The following UBN1 variants were observed in gnomAD, a reference collection of about 807,000 sequenced individuals.
The protein encoded by UBN1 is ubinuclein-1.
A neutral mutation model predicts 108.5 loss-of-function variants in UBN1; 17 were observed. That is an observed-to-expected ratio of 0.16 (90% CI 0.11 to 0.24). The LOEUF (loss-of-function observed/expected upper bound fraction) is 0.24. Ranked by LOEUF, UBN1 falls within the 10% of genes least tolerant of loss-of-function variation. The pLI is 1.00. For missense variants in UBN1, 1,595 were observed against 1,394.4 expected (o/e 1.14, Z -2.29); for synonymous variants, 726 against 564.2 (o/e 1.29, Z -4.07).
At chr16:4,876,547 A>G (rs1268032147) in intron 15 of UBN1, among the ~76,000 whole-genome samples, 2 of 149,212 alleles carry the variant, frequency 1.3e-5, no homozygotes, top group South Asian at 4.2e-4. Flanking sequence ...TTTTTTTTTG[A>G]GACAGAGTCT....
rs756447369 is a variant in UBN1, at chr16:4,861,119, C to T, written c.1110+17C>T. On this transcript the variant is annotated intron_variant, in intron 7 of 17. Transcript: ENST00000262376. ...CTGGCTCAGGTATGGTGGCACAGTG[C>T]GGCTGGGCTTTCCTGGAAGCAGTTT... 9.4e-6 allele frequency: 15 copies of T among 1,599,576 alleles called. No homozygotes were observed. Among genetic ancestry groups the T allele is most frequent in the African/African-American group, 8.0e-5 (6 of 74,590 alleles).
chr16:4,873,208 A>G (rs145223945), intron 14 of UBN1, 135 bp downstream of exon 14: 15 of 1,295,854 alleles, frequency 1.2e-5, no homozygotes, highest in Non-Finnish European at 1.6e-5. Context: ...GACATTCTTG[A>G]AGTCATAACA....
At position 4,877,745 on chromosome 16, in the gene UBN1, T is replaced by C; in HGVS notation, c.3355+271T>C. The stretch of plus-strand genomic sequence containing the variant: ...TTGCGGGGGGCAGGGTGGTGCGCTT[T>C]TGTGTGCGGTGGAGGAGTTCCTAAC... On this transcript the variant is annotated intron_variant, in intron 17 of 17. Coordinates refer to ENST00000262376, the MANE Select transcript of UBN1 (RefSeq NM_001079514.3). The surrounding 1 kb of genome is among the most constrained non-coding windows in gnomAD (Gnocchi z 4.3). 1 of 1,185,196 alleles carries C rather than the reference T, an allele frequency of 8.4e-7. No homozygotes were observed. Among genetic ancestry groups the C allele is most frequent in the Non-Finnish European group, 1.0e-6 (1 of 958,734 alleles). The allele number at this position is 1,185,196 out of a possible 1,614,324, so 73.4% of individuals were successfully genotyped here.
intron 1 of UBN1, among the ~76,000 whole-genome samples, chr16:4,850,658 T>A (rs1379765062): frequency 6.6e-6 from 1 of 152,246 alleles, no homozygotes; most frequent in Non-Finnish European, 1.5e-5. Context: ...GCCGCCTGAT[T>A]AGAATTATTT....
chr16:4,870,385 C>T (rs375677480), intron 9 of UBN1, 44 bp downstream of exon 9: 9 of 1,611,516 alleles, frequency 5.6e-6, no homozygotes, highest in South Asian at 2.2e-5. Flanking sequence ...GGGGTCCTGG[C>T]GGAGGGGTGA....
chr16:4,863,578 T>TA (rs1454848569), intron 7 of UBN1, among the ~76,000 whole-genome samples: 1 of 152,224 alleles, frequency 6.6e-6, no homozygotes, highest in Non-Finnish European at 1.5e-5. Context: ...TTAGCAGTGT[T>TA]ACGTGTTTCT....
rs1201897988 is a variant in UBN1, at chr16:4,875,091, C to T, written c.2681C>T (p.Ser894Phe). Residue 894 changes from serine (S) to phenylalanine (F), a missense_variant, in exon 15 of 18, where the codon TCT becomes TTT. By Grantham distance (155) the Ser-to-Phe change is radical (BLOSUM62 -2). Around this residue, in one of 3 missense-constraint regions of UBN1, gnomAD observed 1,398 missense variants for 1,194.7 expected, o/e 1.17. Transcript: ENST00000262376. ...SHPAKPHSVSSAGSSYKNNPF... is the reference protein window; with the variant it reads ...SHPAKPHSVSFAGSSYKNNPF... ...CCAGCAAAGCCACATTCAGTCAGCT[C>T]TGCAGGCTCATCTTACAAGAATAAT... 3 of 1,614,164 alleles carry T rather than the reference C, an allele frequency of 1.9e-6. No individual in the cohort carries two copies. The highest frequency in any genetic ancestry group is 3.3e-5 in the Admixed American group (2 of 60,030).
chr16:4,873,698 A>T (rs777866066), intron 14 of UBN1, among the ~76,000 whole-genome samples: 24 of 152,198 alleles, frequency 1.6e-4, no homozygotes, highest in Non-Finnish European at 2.5e-4. Flanking sequence ...TGTATTAAGC[A>T]CCAGGGATGC....
At chr16:4,859,253 C>A in intron 5 of UBN1, 94 bp downstream of exon 5, 1 of 1,520,358 alleles carries the variant, frequency 6.6e-7, no homozygotes, top group Non-Finnish European at 8.8e-7. Flanking sequence ...GGCGCTTGGC[C>A]GGCTCAGGAG....
Position 4,870,331 on chromosome 16 carries a change from T to A in UBN1, c.1301T>A (p.Leu434His). 1 of 1,614,100 alleles carries A rather than the reference T, an allele frequency of 6.2e-7. No homozygotes were observed. Among genetic ancestry groups the A allele is most frequent in the African/African-American group, 1.3e-5 (1 of 75,046 alleles). The change falls in exon 9 of 18, where the codon CTC becomes CAC. Residue 434 changes from leucine (L) to histidine (H), a missense_variant. This residue lies in a region of UBN1 where 1,398 missense variants were observed against 1,194.7 expected (regional missense o/e 1.17). Coordinates refer to ENST00000262376, the MANE Select transcript of UBN1 (RefSeq NM_001079514.3). ...CTCAAGCGTGCTCGGAAACTTCACCTCTATGAACAGGTGGGTGACTCTAGA... is the reference window on the plus strand; with the variant it reads ...CTCAAGCGTGCTCGGAAACTTCACCACTATGAACAGGTGGGTGACTCTAGA... ...ALLKRARKLHLYEQGGRLKEP... is the reference protein window; with the variant it reads ...ALLKRARKLHHYEQGGRLKEP...
intron 11 of UBN1, 72 bp downstream of exon 11, chr16:4,871,044 G>A: frequency 6.2e-7 from 1 of 1,604,846 alleles, no homozygotes; most frequent in Non-Finnish European, 8.5e-7. Context: ...CCCTATTGCT[G>A]ACAAAGGTTA....
chr16:4,872,489 GA>G (rs2087695331), intron 12 of UBN1: 2 of 206,392 alleles, frequency 9.7e-6, no homozygotes, highest in Non-Finnish European at 1.7e-5. Context: ...GGGGGGCGGG[GA>G]CAAAGTCTCA....
Position 4,874,866 on chromosome 16 carries a change from C to T in UBN1, c.2456C>T (p.Pro819Leu). The T allele has an allele frequency of 1.9e-6, 3 of 1,614,082 alleles. No individual in the cohort carries two copies. The South Asian group carries it at 3.3e-5, about 18-fold the overall frequency. The stretch of plus-strand genomic sequence containing the variant: ...ACTCAGCAGCAGAAAAACTTCACGC[C>T]CCCATCTCCATTTGCCAATAAGCTC... ...AGTQQQKNFTPPSPFANKLQG... is the reference protein window; with the variant it reads ...AGTQQQKNFTLPSPFANKLQG... The change falls in exon 15 of 18, where the codon CCC (proline) becomes CTC (leucine). Residue 819 changes from proline (P) to leucine (L), a missense_variant. Around this residue, in one of 3 missense-constraint regions of UBN1, gnomAD observed 1,398 missense variants for 1,194.7 expected, o/e 1.17. Coordinates refer to ENST00000262376, the MANE Select transcript of UBN1 (RefSeq NM_001079514.3).
intron 6 of UBN1, 78 bp downstream of exon 6, chr16:4,860,046 C>A: frequency 6.4e-7 from 1 of 1,573,350 alleles, no homozygotes; most frequent in South Asian, 1.2e-5. Context: ...CTCACCTCCT[C>A]CCCACAGCTT....
In UBN1 at chr16:4,876,918, T is replaced by C; in HGVS notation, c.3072T>C (p.Ala1024=). The change falls in exon 16 of 18, where the codon GCT becomes GCC. Residue 1024 remains alanine (A), a synonymous_variant. Coordinates refer to ENST00000262376, the MANE Select transcript of UBN1 (RefSeq NM_001079514.3). ...TVLLAGSSLM[A]SPYKSSSPKL... ...TGCTGGCCGGCTCCTCTTTGATGGC[T>C]TCACCCTACAAATCCAGCAGCCCAA... The C allele has an allele frequency of 6.2e-7, 1 of 1,613,936 alleles. No homozygotes were observed. Among genetic ancestry groups the C allele is most frequent in the Non-Finnish European group, 8.5e-7 (1 of 1,179,902 alleles).
chr16:4,849,368 C>G (rs1262898409), intron 1 of UBN1, among the ~76,000 whole-genome samples: 9 of 151,904 alleles, frequency 5.9e-5, no homozygotes, highest in Non-Finnish European at 4.4e-5. Flanking sequence ...AACCAAAAAA[C>G]CCATTAAAAT....
At position 4,847,705 on chromosome 16, in the gene UBN1, C is replaced by T. The variant is rs1195350017; in HGVS notation, c.-545C>T. Reference sequence around the variant, plus strand: ...TCCCGAGCCCGAGGCGCTGGTCGGCCCCGTCGCAGCGCCAGTGAGCTACCC... The same window carrying T: ...TCCCGAGCCCGAGGCGCTGGTCGGCTCCGTCGCAGCGCCAGTGAGCTACCC... On this transcript the variant is annotated 5_prime_UTR_variant, in exon 1 of 18. Transcript: ENST00000262376. 7 of 173,440 alleles carry T rather than the reference C, an allele frequency of 4.0e-5. No homozygotes were observed. The highest frequency in any genetic ancestry group is 1.7e-4 in the African/African-American group (7 of 41,686). The allele number at this position is 173,440 out of a possible 1,614,324, so 10.7% of individuals were successfully genotyped here. A position where few individuals can be genotyped will look rare whatever the true frequency, so the allele number is the denominator to read the frequency against.
chr16:4,874,748 A>C lies in UBN1; in HGVS notation c.2338A>C (p.Lys780Gln), dbSNP rs770275145. 7 of 1,614,102 alleles carry C rather than the reference A, an allele frequency of 4.3e-6. No homozygotes were observed. Among genetic ancestry groups the C allele is most frequent in the Non-Finnish European group, 5.9e-6 (7 of 1,180,018 alleles). Residue 780 changes from lysine (K) to glutamine (Q), a missense_variant, in exon 15 of 18, where the codon AAA becomes CAA. By Grantham distance (53) the Lys-to-Gln change is moderately conservative (BLOSUM62 1). This residue lies in a region of UBN1 where 1,398 missense variants were observed against 1,194.7 expected (regional missense o/e 1.17). Coordinates refer to ENST00000262376, the MANE Select transcript of UBN1 (RefSeq NM_001079514.3). ...NKGLPEVHQS[K>Q]AKHHSLPRTS... ...GGGCCTGCCAGAAGTACATCAGTCC[A>C]AAGCTAAGCACCACAGCTTGCCACG...
chr16:4,871,335 A>G (rs993711542), intron 12 of UBN1, 34 bp downstream of exon 12: 2 of 1,605,958 alleles, frequency 1.2e-6, no homozygotes, highest in African/African-American at 2.7e-5. Flanking sequence ...GCATCTGTGC[A>G]GTCAAGACAC....
Sources: gnomAD v4.1 joint callset for allele counts (sites outside exome capture counted in the v4.1 genomes callset) on GRCh38, gnomAD v4.1.1 for gene constraint, gnomAD v4.1.1 regional missense constraint, Gnocchi (gnomAD v3.1) non-coding constraint, MANE v1.5 for transcripts, NCBI Gene and HGNC (gene_info 2026-07-23, HGNC 2026-07-21) for gene names.